SYCP2: variants seen among roughly 807,000 people sequenced by gnomAD.
The protein encoded by SYCP2 is synaptonemal complex protein 2, also known as synaptonemal complex lateral element protein.
In SYCP2, 55 loss-of-function variants were observed where a neutral mutation model predicts 211.3. The ratio of observed to expected loss-of-function variants is 0.26; its 90% CI spans 0.21 to 0.33. The LOEUF is 0.33. SYCP2 is among the 10% of genes least tolerant of loss of function. The probability of loss-of-function intolerance (pLI) is 1.00; values close to 1 mark genes in which losing one functional copy is unlikely to be tolerated. For missense variants in SYCP2, 1,731 were observed against 1,752.0 expected (o/e 0.99, Z 0.21); for synonymous variants, 570 against 555.2 (o/e 1.03, Z -0.37).
At chr20:59,919,470 AG>A in intron 6 of SYCP2, 22 bp downstream of exon 6, 1 of 1,418,996 alleles carries the variant, frequency 7.0e-7, no homozygotes, top group African/African-American at 1.4e-5. Flanking sequence ...TATAAATATC[AG>A]TGTAATCAAT....
intron 15 of SYCP2, among the ~76,000 whole-genome samples, chr20:59,903,137 TAGAA>T (rs1217465216): frequency 6.6e-6 from 1 of 152,024 alleles, no homozygotes; most frequent in African/African-American, 2.4e-5. Flanking sequence ...GCTACTTACA[TAGAA>T]ATTTATGAAT....
chr20:59,895,486 A>G lies in SYCP2; in HGVS notation c.1616T>C (p.Leu539Pro), dbSNP rs2059991019. The stretch of plus-strand genomic sequence containing the variant: ...TCTTCCTTCTGATGATCTAGATTTC[A>G]GTGATGCAGCATTATCCACTCTATT... The part of the protein sequence containing the change: ...SENRVDNAAS[L>P]KSRSSEGRHR... Residue 539 changes from leucine to proline, a missense_variant, in exon 20 of 45, where the codon CTG becomes CCG. This residue lies in a region of SYCP2 where 1,387 missense variants were observed against 1,351.3 expected (regional missense o/e 1.03). Coordinates refer to ENST00000357552, the MANE Select transcript of SYCP2 (RefSeq NM_014258.4). 6.2e-7 allele frequency: 1 copy of G among 1,612,806 alleles called. No homozygotes were observed. Among genetic ancestry groups the G allele is most frequent in the Middle Eastern group, 1.7e-4 (1 of 6,050 alleles).
intron 26 of SYCP2, among the ~76,000 whole-genome samples, chr20:59,885,658 G>A (rs936365395): frequency 9.6e-5 from 14 of 146,014 alleles, no homozygotes; most frequent in South Asian, 4.2e-4. Context: ...ACACACACGC[G>A]CGCACGCGCG....
Position 59,919,690 on chromosome 20 carries a change from A to G in SYCP2, c.298-93T>C, listed in dbSNP as rs1378033472. 12 of 651,966 alleles carry G rather than the reference A, an allele frequency of 1.8e-5. No homozygotes were observed. In the Admixed American group the frequency reaches 4.2e-4, roughly 23 times the overall value. 40.4% of individuals were successfully genotyped at this position (651,966 alleles called of 1,614,324 possible). Reference sequence around the variant, plus strand: ...GCATAAACAGTAAACCTAGGAATAAAGACACATCAAAATTAAAATTTTAGT... The same window carrying G: ...GCATAAACAGTAAACCTAGGAATAAGGACACATCAAAATTAAAATTTTAGT... On this transcript the variant is annotated intron_variant, in intron 5 of 44. Coordinates refer to ENST00000357552, the MANE Select transcript of SYCP2 (RefSeq NM_014258.4).
At chr20:59,900,013 A>G (rs2060084715) in intron 18 of SYCP2, 125 bp downstream of exon 18, 1 of 1,042,286 alleles carries the variant, frequency 9.6e-7, no homozygotes, top group Non-Finnish European at 1.4e-6. Context: ...TAGGAGAAAC[A>G]CTCTGAAATG....
intron 7 of SYCP2, among the ~76,000 whole-genome samples, chr20:59,918,087 A>G (rs2060475471): frequency 6.6e-6 from 1 of 152,208 alleles, no homozygotes; most frequent in Non-Finnish European, 1.5e-5. Flanking sequence ...CCTACCACAC[A>G]GCAGTCCAAT....
intron 22 of SYCP2, 98 bp from the exon 23 acceptor site, chr20:59,892,799 C>G: frequency 1.8e-6 from 2 of 1,117,054 alleles, no homozygotes; most frequent in South Asian, 4.0e-5. Flanking sequence ...AAAGCGATTA[C>G]TTATGTGAAA....
intron 2 of SYCP2, among the ~76,000 whole-genome samples, chr20:59,928,648 CAG>C (rs1386146834): frequency 2.6e-5 from 4 of 151,958 alleles, no homozygotes; most frequent in Non-Finnish European, 5.9e-5. Flanking sequence ...TAAAACAAAA[CAG>C]AATTCAAACA....
Position 59,864,314 on chromosome 20 carries a change from C to T in SYCP2, c.4590G>A (p.Val1530=), listed in dbSNP as rs1156574990. The change falls in exon 45 of 45, where the codon GTG becomes GTA. Residue 1530 remains valine, a synonymous_variant. Transcript: ENST00000357552. ...GTATGGTGATAAAAACTAGATTTCA[C>T]ACATTAGCATTTCTTTCATGAGACA... ...VFMSHERNAN[V] is the part of the protein sequence containing the mutation. The T allele has an allele frequency of 6.3e-7, 1 of 1,591,500 alleles. No homozygotes were observed.
rs148122576 is a variant in SYCP2 at position 59,900,215 on chromosome 20, A to C, written c.1327T>G (p.Ser443Ala). 65 of 1,612,764 alleles carry C rather than the reference A, an allele frequency of 4.0e-5. No homozygotes were observed. Among genetic ancestry groups the C allele is most frequent in the Non-Finnish European group, 5.4e-5 (64 of 1,179,528 alleles). Residue 443 changes from serine (S) to alanine (A), a missense_variant, in exon 18 of 45, where the codon TCC (serine) becomes GCC (alanine). Ser to Ala is a moderately conservative substitution (Grantham distance 99). Transcript: ENST00000357552. ...GAAGGTTTAGCAAATTCCTTTGGGG[A>C]CTTTGATTTTTCCTTTAAACTAACG... ...ELVSLKEKSK[S>A]PKEFAKPSKY...
At chr20:59,896,268 T>G (rs1600892214) in intron 19 of SYCP2, among the ~76,000 whole-genome samples, 161 bp downstream of exon 19, 1 of 152,158 alleles carries the variant, frequency 6.6e-6, no homozygotes, top group South Asian at 2.1e-4. Flanking sequence ...TATGTTAGCA[T>G]TATACTTTTC....
rs1306055764 is a variant in SYCP2, at chr20:59,868,335, T to G, written c.3988+78A>C. On this transcript the variant is annotated intron_variant, in intron 38 of 44. Coordinates refer to ENST00000357552, the MANE Select transcript of SYCP2 (RefSeq NM_014258.4). ...CCAAAGTTGTCTTTACAAATTTGTT[T>G]TGTAAATAGACTCATTCAAAATATA... 4 of 1,468,596 alleles carry G rather than the reference T, an allele frequency of 2.7e-6. No individual in the cohort carries two copies. The African/African-American group carries it at 5.7e-5, about 21-fold the overall frequency. 91.0% of individuals were successfully genotyped at this position (1,468,596 alleles called of 1,614,324 possible). A position where few individuals can be genotyped will look rare whatever the true frequency, so the allele number is the denominator to read the frequency against.
At chr20:59,894,996 T>G (rs890157669) in intron 20 of SYCP2, among the ~76,000 whole-genome samples, 2 of 151,904 alleles carry the variant, frequency 1.3e-5, no homozygotes, top group Non-Finnish European at 2.9e-5. Context: ...GTTAGGCACT[T>G]GACCCTCTAA....
At chr20:59,885,215 A>C (rs2059762575) in intron 26 of SYCP2, 1 of 152,156 alleles carries the variant, frequency 6.6e-6, no homozygotes, top group South Asian at 2.1e-4. Flanking sequence ...ATTTAATTCA[A>C]TAAGCAACAG....
intron 2 of SYCP2, among the ~76,000 whole-genome samples, chr20:59,927,866 GTTTT>G (rs1343433840): frequency 5.9e-5 from 9 of 152,144 alleles, no homozygotes; most frequent in African/African-American, 2.2e-4. Flanking sequence ...GTTGTTTTCA[GTTTT>G]GTTCCTTCTG....
intron 14 of SYCP2, among the ~76,000 whole-genome samples, chr20:59,910,519 T>C (rs1242193678): frequency 6.6e-6 from 1 of 151,210 alleles, no homozygotes; most frequent in Non-Finnish European, 1.5e-5. Context: ...CAGCTGGGAC[T>C]ACAGGCGCCT....
chr20:59,868,801 T>A (rs1324576646), intron 37 of SYCP2, 34 bp downstream of exon 37: 3 of 1,528,116 alleles, frequency 2.0e-6, no homozygotes, highest in Non-Finnish European at 1.8e-6. Flanking sequence ...ATTTCAGTAA[T>A]CATTTTTTAA....
At chr20:59,884,205 T>G (rs1232448031) in intron 26 of SYCP2, among the ~76,000 whole-genome samples, 1 of 152,080 alleles carries the variant, frequency 6.6e-6, no homozygotes, top group Non-Finnish European at 1.5e-5. Flanking sequence ...TTTTGGACTC[T>G]CATTTGCTTT....
At chr20:59,903,125 T>C (rs949910120) in intron 15 of SYCP2, among the ~76,000 whole-genome samples, 14 of 152,134 alleles carry the variant, frequency 9.2e-5, no homozygotes, top group Non-Finnish European at 1.3e-4. Flanking sequence ...ACCTATGTTA[T>C]GGCTACTTAC....
Sources: gnomAD v4.1 joint callset for allele counts (sites outside exome capture counted in the v4.1 genomes callset) on GRCh38, gnomAD v4.1.1 for gene constraint, gnomAD v4.1.1 regional missense constraint, MANE v1.5 for transcripts, NCBI Gene and HGNC (gene_info 2026-07-23, HGNC 2026-07-21) for gene names.